PLA2G4E: variants seen among roughly 807,000 people sequenced by gnomAD.
The protein encoded by PLA2G4E is phospholipase A2 group IVE, also known as cytosolic phospholipase A2 epsilon.
Under a neutral mutation model 109.1 loss-of-function variants are expected in PLA2G4E, and 84 were observed. The ratio of observed to expected loss-of-function variants is 0.77; its 90% CI spans 0.65 to 0.92. The LOEUF (loss-of-function observed/expected upper bound fraction) is 0.92. Ranked by LOEUF, PLA2G4E falls within the 40% of genes least tolerant of loss-of-function variation. The probability of loss-of-function intolerance (pLI) is 0.00; values close to 1 mark genes in which losing one functional copy is unlikely to be tolerated. For synonymous variants in PLA2G4E, 469 were observed against 436.1 expected (o/e 1.08, Z -0.94); for missense variants, 1,057 against 1,076.6 (o/e 0.98, Z 0.25).
intron 1 of PLA2G4E, among the ~76,000 whole-genome samples, chr15:42,015,945 G>A (rs1185662311): frequency 2.6e-5 from 4 of 152,170 alleles, no homozygotes; most frequent in African/African-American, 4.8e-5. Flanking sequence ...AAGCCCCTTC[G>A]CTGAGAGTTT....
intron 17 of PLA2G4E, 139 bp from the exon 18 acceptor site, chr15:41,986,144 C>T (rs916722363): frequency 1.2e-6 from 1 of 801,078 alleles, no homozygotes; most frequent in Non-Finnish European, 2.0e-6. Flanking sequence ...GTTCCAGTGC[C>T]CTCTGGGTGG....
intron 2 of PLA2G4E, among the ~76,000 whole-genome samples, chr15:42,008,819 G>C (rs2068503951): frequency 6.6e-6 from 1 of 152,238 alleles, no homozygotes; most frequent in South Asian, 2.1e-4. Context: ...AAAGCCAGCA[G>C]TTTCCAGTGT....
chr15:42,011,908 C>T (rs1000069146), intron 2 of PLA2G4E, among the ~76,000 whole-genome samples: 6 of 152,106 alleles, frequency 3.9e-5, no homozygotes, highest in Non-Finnish European at 8.8e-5. Flanking sequence ...GAGGTGGCCA[C>T]GTCCTGGATC....
At chr15:41,992,690 G>A (rs952704889) in intron 13 of PLA2G4E, 47 bp downstream of exon 13, 2 of 1,559,606 alleles carry the variant, frequency 1.3e-6, no homozygotes, top group African/African-American at 2.7e-5. Context: ...AAGAGAGCCA[G>A]GCATCAGCCA....
At chr15:42,049,241 G>A (rs985075924) in intron 1 of PLA2G4E, among the ~76,000 whole-genome samples, 10 of 152,184 alleles carry the variant, frequency 6.6e-5, no homozygotes, top group Admixed American at 6.5e-4. Context: ...TGTGACTCTG[G>A]GAAGTGCCAC....
chr15:42,031,380 A>T (rs1333391941), intron 1 of PLA2G4E, among the ~76,000 whole-genome samples: 1 of 152,176 alleles, frequency 6.6e-6, no homozygotes, highest in Non-Finnish European at 1.5e-5. Context: ...AAATCCCCAG[A>T]CGTGAAATGG....
At chr15:42,021,353 G>A (rs899642187) in intron 1 of PLA2G4E, among the ~76,000 whole-genome samples, 55 of 151,916 alleles carry the variant, frequency 3.6e-4, no homozygotes, top group African/African-American at 1.1e-3. Flanking sequence ...GGACTAGCCC[G>A]CCATAATTTG....
intron 1 of PLA2G4E, 59 bp from the exon 2 acceptor site, chr15:42,013,816 C>G (rs892055810): frequency 1.7e-4 from 241 of 1,385,354 alleles, no homozygotes; most frequent in Non-Finnish European, 2.1e-4. Context: ...GCCATTGCCC[C>G]GGGGGAGACT....
chr15:42,000,077 C>A (rs753968274), intron 8 of PLA2G4E, 27 bp downstream of exon 8: 17 of 1,576,424 alleles, frequency 1.1e-5, no homozygotes, highest in Non-Finnish European at 1.5e-5. Context: ...GTCCCCCACA[C>A]CTCCCCCAGT....
chr15:41,993,617 A>G (rs992409099), intron 12 of PLA2G4E, among the ~76,000 whole-genome samples: 1 of 152,154 alleles, frequency 6.6e-6, no homozygotes, highest in Non-Finnish European at 1.5e-5. Flanking sequence ...GTCTGGCCTC[A>G]GTCTGCCTCT....
intron 7 of PLA2G4E, among the ~76,000 whole-genome samples, chr15:42,000,826 C>T (rs554391742): frequency 2.6e-5 from 4 of 152,138 alleles, no homozygotes; most frequent in East Asian, 1.9e-4. Flanking sequence ...TCCTGGGCTT[C>T]GGGTGCTGAC....
intron 17 of PLA2G4E, 53 bp downstream of exon 17, chr15:41,987,119 A>C: frequency 6.5e-7 from 1 of 1,543,056 alleles, no homozygotes; most frequent in Non-Finnish European, 9.0e-7. Flanking sequence ...TGACATCCAC[A>C]TCTTCCTCCT....
At chr15:41,989,697 G>A (rs970523589) in intron 14 of PLA2G4E, 145 bp from the exon 15 acceptor site, 14 of 1,145,390 alleles carry the variant, frequency 1.2e-5, no homozygotes, top group African/African-American at 7.9e-5. Flanking sequence ...GGACACATGG[G>A]GGCACCCTTG....
chr15:41,997,048 G>A, intron 11 of PLA2G4E, 76 bp downstream of exon 11: 1 of 1,451,678 alleles, frequency 6.9e-7, no homozygotes. Flanking sequence ...GGTAGGGCAG[G>A]GCCTGGGTTG....
At chr15:42,036,360 T>G (rs934603370) in intron 1 of PLA2G4E, among the ~76,000 whole-genome samples, 6 of 152,164 alleles carry the variant, frequency 3.9e-5, no homozygotes, top group African/African-American at 1.4e-4. Flanking sequence ...GTGCTGCTCT[T>G]GCACTGGGAG....
At chr15:42,013,751 G>A (rs1361646224) in exon 2 of PLA2G4E, 7 of 1,550,180 alleles carry the variant, frequency 4.5e-6, no homozygotes, top group African/African-American at 2.7e-5. Context: ...CATGGAGACA[G>A]CCCCTCCTGT....
At chr15:42,041,374 C>T (rs891033398) in intron 1 of PLA2G4E, among the ~76,000 whole-genome samples, 2 of 152,112 alleles carry the variant, frequency 1.3e-5, no homozygotes, top group African/African-American at 4.8e-5. Context: ...CCACTCGCAC[C>T]CACCGATGTA....
At chr15:42,035,815 T>C (rs1046817022) in intron 1 of PLA2G4E, among the ~76,000 whole-genome samples, 1 of 152,216 alleles carries the variant, frequency 6.6e-6, no homozygotes, top group African/African-American at 2.4e-5. Flanking sequence ...ATTTTGTATA[T>C]CGTATATATT....
intron 16 of PLA2G4E, 115 bp downstream of exon 16, chr15:41,987,934 G>A (rs1158007211): frequency 2.7e-5 from 14 of 527,178 alleles, no homozygotes; most frequent in African/African-American, 2.0e-4. Context: ...GCCGGGGGCC[G>A]CCCCCCATCA....
Sources: gnomAD v4.1 joint callset for allele counts (sites outside exome capture counted in the v4.1 genomes callset) on GRCh38, gnomAD v4.1.1 for gene constraint, MANE v1.5 for transcripts, NCBI Gene and HGNC (gene_info 2026-07-23, HGNC 2026-07-21) for gene names.